TSPAN15: variants seen among roughly 807,000 people sequenced by gnomAD.
The protein encoded by TSPAN15 is tetraspanin-15.
A neutral mutation model predicts 34.5 loss-of-function variants in TSPAN15; 20 were observed. The observed-to-expected ratio is 0.58, with a 90% confidence interval of 0.41 to 0.84. The LOEUF is 0.84. Among genes scored for constraint, TSPAN15 ranks in the 40% least tolerant of loss-of-function variants. TSPAN15 has a pLI of 0.00. For synonymous variants in TSPAN15, 155 were observed against 153.9 expected, an observed-to-expected ratio of 1.01 and a Z score of -0.05; for missense variants, 313 against 386.1, an observed-to-expected ratio of 0.81 and a Z score of 1.59.
chr10:69,502,539 C>T (rs1019398227), intron 5 of TSPAN15, among the ~76,000 whole-genome samples: 8 of 152,068 alleles, frequency 5.3e-5, no homozygotes, highest in African/African-American at 1.9e-4. Flanking sequence ...GTCCTGTGGC[C>T]CCGTGCAGGA....
Position 69,451,693 on chromosome 10 carries a change from G to A in TSPAN15, c.96+3G>A. On this transcript the variant is annotated splice_donor_region_variant and intron_variant, in intron 1 of 7. Coordinates refer to ENST00000373290, the MANE Select transcript of TSPAN15 (RefSeq NM_012339.5). ...TCATCTATTCCACCGTGTTCTGGGT[G>A]AGTGACCCCAGTAGGGCCCGGGGAT... is the stretch of plus-strand genomic sequence containing the variant. 1.3e-6 allele frequency: 2 copies of A among 1,508,158 alleles called. No homozygotes were observed. Among genetic ancestry groups the A allele is most frequent in the Non-Finnish European group, 1.8e-6 (2 of 1,125,372 alleles). 93.4% of individuals were successfully genotyped at this position (1,508,158 alleles called of 1,614,324 possible). A position where few individuals can be genotyped will look rare whatever the true frequency, so the allele number is the denominator to read the frequency against.
intron 1 of TSPAN15, among the ~76,000 whole-genome samples, chr10:69,467,484 T>A (rs1841409494): frequency 6.6e-6 from 1 of 152,076 alleles, no homozygotes; most frequent in Non-Finnish European, 1.5e-5. Flanking sequence ...TGTGGTGGCA[T>A]GTGCCTGCAG....
At chr10:69,498,777 C>T (rs1842143182) in intron 5 of TSPAN15, among the ~76,000 whole-genome samples, 1 of 152,186 alleles carries the variant, frequency 6.6e-6, no homozygotes, top group Non-Finnish European at 1.5e-5. Flanking sequence ...GGTGTCTTGC[C>T]CAAGGTTGGC....
At chr10:69,501,269 C>T (rs893931318) in intron 5 of TSPAN15, among the ~76,000 whole-genome samples, 35 of 152,108 alleles carry the variant, frequency 2.3e-4, no homozygotes, top group Non-Finnish European at 2.4e-4. Context: ...GGTGTAAACA[C>T]GGACATCATC....
chr10:69,546,813 C>G, the TSPAN15 span, among the ~76,000 whole-genome samples: 1 of 152,000 alleles, frequency 6.6e-6, no homozygotes, highest in Non-Finnish European at 1.5e-5. Flanking sequence ...GACAAAGAGC[C>G]CTTCAAACCC....
the TSPAN15 span, among the ~76,000 whole-genome samples, chr10:69,514,884 C>T: frequency 2.0e-5 from 3 of 152,192 alleles, no homozygotes; most frequent in Non-Finnish European, 2.9e-5. Context: ...CGGCCCCTGC[C>T]CTGTCTCTCT....
At chr10:69,453,807 G>A (rs1018554554) in intron 1 of TSPAN15, among the ~76,000 whole-genome samples, 1 of 152,204 alleles carries the variant, frequency 6.6e-6, no homozygotes, top group Non-Finnish European at 1.5e-5. Context: ...CTTCTCTTGG[G>A]CAGGGTGGTT....
the TSPAN15 span, among the ~76,000 whole-genome samples, chr10:69,545,444 C>T: frequency 1.3e-5 from 2 of 152,176 alleles, no homozygotes; most frequent in East Asian, 1.9e-4. Flanking sequence ...GCGGGCTCAC[C>T]GGTCAAGTCA....
intron 5 of TSPAN15, among the ~76,000 whole-genome samples, chr10:69,504,215 A>G (rs1842275852): frequency 6.8e-6 from 1 of 148,058 alleles, no homozygotes; most frequent in Non-Finnish European, 1.5e-5. Flanking sequence ...GGTAAAAGTC[A>G]TGGAACCTGC....
chr10:69,494,796 G>A (rs958013501), intron 3 of TSPAN15: 62 of 985,276 alleles, frequency 6.3e-5, no homozygotes, highest in Admixed American at 1.2e-4. Context: ...CTCGACCTCC[G>A]TGCTCTGAAA....
downstream of TSPAN15, among the ~76,000 whole-genome samples, chr10:69,512,052 C>A (rs1842420236): frequency 1.3e-5 from 2 of 152,082 alleles, no homozygotes; most frequent in Non-Finnish European, 2.9e-5. Context: ...ACAAACCTGC[C>A]CATTCTGCAC....
chr10:69,486,669 C>T (rs1173729553), intron 3 of TSPAN15, among the ~76,000 whole-genome samples: 1 of 152,212 alleles, frequency 6.6e-6, no homozygotes, highest in Non-Finnish European at 1.5e-5. Context: ...CTGGGTTGTG[C>T]AGACCTCTCA....
At chr10:69,548,429 A>G in the TSPAN15 span, among the ~76,000 whole-genome samples, 102 of 152,356 alleles carry the variant, frequency 6.7e-4, no homozygotes, top group African/African-American at 2.3e-3. Flanking sequence ...AGACAGACTT[A>G]CCATTCTCCT....
chr10:69,498,495 G>A (rs1288416031), intron 5 of TSPAN15, 99 bp downstream of exon 5: 2 of 976,750 alleles, frequency 2.0e-6, no homozygotes, highest in Non-Finnish European at 3.1e-6. Context: ...GGGTGGTGTG[G>A]GTGGATGGCA....
At chr10:69,546,368 A>G in the TSPAN15 span, among the ~76,000 whole-genome samples, 1 of 152,186 alleles carries the variant, frequency 6.6e-6, no homozygotes, top group Non-Finnish European at 1.5e-5. Flanking sequence ...TCTCATCTGT[A>G]ACCAGACTCA....
At chr10:69,523,288 G>T in the TSPAN15 span, 1 of 408,402 alleles carries the variant, frequency 2.4e-6, no homozygotes. Flanking sequence ...CCAAAACCCA[G>T]TAATTAAACA....
chr10:69,541,696 C>T, the TSPAN15 span, among the ~76,000 whole-genome samples: 1 of 152,266 alleles, frequency 6.6e-6, no homozygotes, highest in African/African-American at 2.4e-5. Flanking sequence ...CAGAGGTTCT[C>T]AAACCTCAAT....
the TSPAN15 span, among the ~76,000 whole-genome samples, chr10:69,517,573 G>C: frequency 0.055 from 8,313 of 152,290 alleles, 287 homozygotes; most frequent in South Asian, 0.13. Context: ...GAGCCACCTG[G>C]ATAGAGAGTG....
chr10:69,487,472 T>C (rs1355088485), intron 3 of TSPAN15, among the ~76,000 whole-genome samples: 1 of 151,858 alleles, frequency 6.6e-6, no homozygotes, highest in African/African-American at 2.4e-5. Context: ...GGGAGAGATC[T>C]TTATTCCATT....
Sources: gnomAD v4.1 joint callset for allele counts (sites outside exome capture counted in the v4.1 genomes callset) on GRCh38, gnomAD v4.1.1 for gene constraint, MANE v1.5 for transcripts, NCBI Gene and HGNC (gene_info 2026-07-23, HGNC 2026-07-21) for gene names.